CDCA7L: variants seen among roughly 807,000 people sequenced by gnomAD.
CDCA7L encodes cell division cycle associated 7 like.
In CDCA7L, 44 loss-of-function variants were observed where a neutral mutation model predicts 57.4. The ratio of observed to expected loss-of-function variants is 0.77; its 90% CI spans 0.60 to 0.98. CDCA7L has a LOEUF of 0.98. CDCA7L is among the 50% of genes least tolerant of loss of function. CDCA7L has a pLI of 0.00. For synonymous variants in CDCA7L, 236 were observed against 202.8 expected, an observed-to-expected ratio of 1.16 and a Z score of -1.39; for missense variants, 644 against 580.6, an observed-to-expected ratio of 1.11 and a Z score of -1.12.
At chr7:21,904,281 C>T (rs944842279) in intron 7 of CDCA7L, 22 bp from the exon 8 acceptor site, 4 of 1,572,812 alleles carry the variant, frequency 2.5e-6, no homozygotes, top group Admixed American at 1.8e-5. Flanking sequence ...AGGCAGTGAG[C>T]AGGTGAACAC....
chr7:21,937,674 G>A (rs1168111435), intron 1 of CDCA7L, among the ~76,000 whole-genome samples: 5 of 151,434 alleles, frequency 3.3e-5, no homozygotes, highest in Non-Finnish European at 7.4e-5. Flanking sequence ...CAGTGTTAGA[G>A]GACTCACATT....
chr7:21,936,519 A>G (rs1786171173), intron 1 of CDCA7L, among the ~76,000 whole-genome samples: 1 of 152,182 alleles, frequency 6.6e-6, no homozygotes, highest in South Asian at 2.1e-4. Flanking sequence ...GTTCAAACAC[A>G]TAAAAATCAA....
At chr7:21,919,138 C>A (rs894637478) in intron 1 of CDCA7L, among the ~76,000 whole-genome samples, 2 of 152,110 alleles carry the variant, frequency 1.3e-5, no homozygotes, top group African/African-American at 4.8e-5. Context: ...ACATTAGGGA[C>A]TGCAAAAGAG....
chr7:21,911,827 G>C, intron 2 of CDCA7L, 73 bp from the exon 3 acceptor site: 6 of 1,419,002 alleles, frequency 4.2e-6, no homozygotes, highest in Non-Finnish European at 5.8e-6. Flanking sequence ...AGAATGAGGA[G>C]CTACTGAACG....
intron 9 of CDCA7L, 162 bp from the exon 10 acceptor site, chr7:21,902,514 G>T: frequency 1.5e-6 from 1 of 673,756 alleles, no homozygotes; most frequent in Admixed American, 2.4e-5. Context: ...TATACCCTCT[G>T]GTGTAGTACG....
At chr7:21,903,863 T>G in intron 8 of CDCA7L, 1 of 385,880 alleles carries the variant, frequency 2.6e-6, no homozygotes, top group Non-Finnish European at 4.6e-6. Context: ...ACTAGAGGAC[T>G]GTAAGCAAGT....
intron 1 of CDCA7L, among the ~76,000 whole-genome samples, chr7:21,930,560 G>C (rs1583870727): frequency 6.6e-6 from 1 of 151,924 alleles, no homozygotes; most frequent in South Asian, 2.1e-4. Context: ...AGCTGGGCGT[G>C]GTGGCGGGTG....
Position 21,902,127 on chromosome 7 carries a change from T to G in CDCA7L, c.*195A>C. On this transcript the variant is annotated 3_prime_UTR_variant, in exon 10 of 10. Transcript: ENST00000406877. Reference sequence around the variant, plus strand: ...AGACAGGTCTGTGCATACATCTATATAGATTCCTCTGCTCTGCTGTCTTCC... The same window carrying G: ...AGACAGGTCTGTGCATACATCTATAGAGATTCCTCTGCTCTGCTGTCTTCC... 2 of 627,458 alleles carry G rather than the reference T, an allele frequency of 3.2e-6. No homozygotes were observed. Among genetic ancestry groups the G allele is most frequent in the South Asian group, 2.0e-5 (1 of 51,046 alleles). The allele number at this position is 627,458 out of a possible 1,614,324, so 38.9% of individuals were successfully genotyped here. A position where few individuals can be genotyped will look rare whatever the true frequency, so the allele number is the denominator to read the frequency against.
At chr7:21,942,084 T>TA (rs970275334) in intron 1 of CDCA7L, among the ~76,000 whole-genome samples, 1 of 151,712 alleles carries the variant, frequency 6.6e-6, no homozygotes, top group Non-Finnish European at 1.5e-5. Flanking sequence ...TACCAATGCC[T>TA]AGCACATAAC....
intron 4 of CDCA7L, among the ~76,000 whole-genome samples, chr7:21,907,504 CAA>C (rs1190123519): frequency 2.0e-5 from 3 of 151,900 alleles, no homozygotes; most frequent in Admixed American, 2.0e-4. Flanking sequence ...ATGAAGCAAA[CAA>C]TGATTCTCTA....
intron 2 of CDCA7L, among the ~76,000 whole-genome samples, chr7:21,916,139 C>T (rs544513876): frequency 6.6e-6 from 1 of 152,080 alleles, no homozygotes. Context: ...ATGGTCAAGG[C>T]AGAATGAGGA....
Position 21,906,323 on chromosome 7 carries a change from T to A in CDCA7L, c.887A>T (p.Glu296Val). The A allele has an allele frequency of 6.2e-7, 1 of 1,607,592 alleles. No individual in the cohort carries two copies. The highest frequency in any genetic ancestry group is 1.1e-5 in the South Asian group (1 of 90,282). The change falls in exon 6 of 10, where the codon GAG becomes GTG. Residue 296 changes from glutamate (E) to valine (V), a missense_variant. Physicochemically the swap from Glu to Val is moderately radical, Grantham distance 121. Coordinates refer to ENST00000406877, the MANE Select transcript of CDCA7L (RefSeq NM_018719.5). The part of the protein sequence containing the change: ...FTVSAAKFAE[E>V]FYSFRRRKTI... ...CTTCCTTCTTCGGAAGCTGTAAAAC[T>A]CTTCCGCAAATTTAGCGGCTGAGAC...
chr7:21,928,774 C>A (rs565582708), intron 1 of CDCA7L, among the ~76,000 whole-genome samples: 1 of 151,488 alleles, frequency 6.6e-6, no homozygotes, highest in South Asian at 2.1e-4. Context: ...GAAAAAGGAA[C>A]AAAAAAAGCC....
rs114588421 is a variant in CDCA7L, at chr7:21,926,962, G to C, written c.25-10068C>G. Among the ~76,000 whole-genome samples, 266 of 152,288 alleles carry C rather than the reference G, an allele frequency of 1.7e-3. 1 individual carries two copies. The highest frequency in any genetic ancestry group is 5.8e-3 in the African/African-American group (241 of 41,566). On this transcript the variant is annotated intron_variant, in intron 1 of 9. Transcript: ENST00000406877. The stretch of plus-strand genomic sequence containing the variant: ...GCCACACACAGGTCCAGGCAAGACA[G>C]TATGTTCAGAAAAGATCTAAGATGA...
Position 21,901,259 on chromosome 7 carries a change from A to C in CDCA7L, c.*1063T>G. On this transcript the variant is annotated 3_prime_UTR_variant, in exon 10 of 10. Coordinates refer to ENST00000406877, the MANE Select transcript of CDCA7L (RefSeq NM_018719.5). ...GCTCTGCTTCTAGAAGCGTAAGGTA[A>C]CACTGGCATTCCTCTAGCCTCTGCT... 1 of 1,598,026 alleles carries C rather than the reference A, an allele frequency of 6.3e-7. No homozygotes were observed.
intron 9 of CDCA7L, 111 bp from the exon 10 acceptor site, chr7:21,902,463 C>G (rs542897155): frequency 9.7e-7 from 1 of 1,027,070 alleles, no homozygotes; most frequent in African/African-American, 1.6e-5. Flanking sequence ...ACCCAGATCT[C>G]CTGACACTCG....
In CDCA7L at chr7:21,901,382, T is replaced by C; in HGVS notation, c.*940A>G. ...CACACGTGCATTCTTTTTTCAACGC[T>C]ATCCTTAGAGTGAAAGTCAGAAAAA... On this transcript the variant is annotated 3_prime_UTR_variant, in exon 10 of 10. Transcript: ENST00000406877. 7.7e-7 allele frequency: 1 copy of C among 1,298,280 alleles called. No homozygotes were observed. The highest frequency in any genetic ancestry group is 1.0e-6 in the Non-Finnish European group (1 of 1,000,010). 80.4% of individuals were successfully genotyped at this position (1,298,280 alleles called of 1,614,324 possible). A position where few individuals can be genotyped will look rare whatever the true frequency, so the allele number is the denominator to read the frequency against.
At chr7:21,935,085 G>A (rs1364883728) in intron 1 of CDCA7L, among the ~76,000 whole-genome samples, 1 of 152,048 alleles carries the variant, frequency 6.6e-6, no homozygotes, top group East Asian at 1.9e-4. Flanking sequence ...CCCAACAACA[G>A]AATAAACACT....
intron 1 of CDCA7L, among the ~76,000 whole-genome samples, chr7:21,922,088 G>C (rs1486544926): frequency 6.6e-6 from 1 of 152,116 alleles, no homozygotes; most frequent in East Asian, 1.9e-4. Flanking sequence ...CTTAAGAAAG[G>C]TGTATTTTAC....
Sources: gnomAD v4.1 joint callset for allele counts (sites outside exome capture counted in the v4.1 genomes callset) on GRCh38, gnomAD v4.1.1 for gene constraint, MANE v1.5 for transcripts, NCBI Gene and HGNC (gene_info 2026-07-23, HGNC 2026-07-21) for gene names.